TICRR: variants seen among roughly 807,000 people sequenced by gnomAD.
TICRR encodes the protein treslin.
TICRR carries 132 observed loss-of-function variants against 178.1 expected under a neutral mutation model. The observed-to-expected ratio is 0.74, with a 90% CI of 0.64 to 0.86. The LOEUF (loss-of-function observed/expected upper bound fraction) is 0.86. Ranked by LOEUF, TICRR falls within the 40% of genes least tolerant of loss-of-function variation. TICRR has a pLI of 0.00. For missense variants in TICRR, 2,587 were observed against 2,334.3 expected (o/e 1.11, Z -2.23); for synonymous variants, 991 against 900.7 (o/e 1.10, Z -1.79).
chr15:89,576,815 GTGTGTGTATATATATATATATATA>G (rs1567037946), intron 1 of TICRR, among the ~76,000 whole-genome samples: 100 of 106,868 alleles, frequency 9.4e-4, no homozygotes, highest in Non-Finnish European at 5.3e-4. Context: ...GTGTGTATGT[GTGTGTGTATATATATATATATATA>G]TATATATATA....
Position 89,584,300 on chromosome 15 carries a change from C to A in TICRR, c.949C>A (p.Gln317Lys). ...TTTATTTCTAGCAGGCAAAGAGATTCAAGAAACATGGACAGTCACCCTAGA... is the reference window on the plus strand; with the variant it reads ...TTTATTTCTAGCAGGCAAAGAGATTAAAGAAACATGGACAGTCACCCTAGA... ...FLPVEAGKEI[Q>K]ETWTVTLEPL... is the part of the protein sequence containing the mutation. The change falls in exon 3 of 22, where the codon CAA (glutamine) becomes AAA (lysine). Residue 317 changes from glutamine (Q) to lysine (K), a missense_variant. Gln to Lys is a moderately conservative substitution (Grantham distance 53). Transcript: ENST00000268138. 1 of 1,604,782 alleles carries A rather than the reference C, an allele frequency of 6.2e-7. No individual in the cohort carries two copies. The highest frequency in any genetic ancestry group is 8.5e-7 in the Non-Finnish European group (1 of 1,175,774).
intron 4 of TICRR, among the ~76,000 whole-genome samples, chr15:89,586,252 A>G (rs2141955114): frequency 6.6e-6 from 1 of 152,334 alleles, no homozygotes; most frequent in East Asian, 1.9e-4. Flanking sequence ...CTAGCATTGC[A>G]ACTAAATGCA....
chr15:89,591,109 CT>C (rs1189424237), intron 4 of TICRR, among the ~76,000 whole-genome samples: 1 of 152,154 alleles, frequency 6.6e-6, no homozygotes, highest in Non-Finnish European at 1.5e-5. Flanking sequence ...TATATTTATT[CT>C]TGTACAAAGC....
chr15:89,627,845 G>A lies in TICRR; in HGVS notation c.*759G>A, dbSNP rs1288137651. 2 of 152,538 alleles carry A rather than the reference G, an allele frequency of 1.3e-5. No individual in the cohort carries two copies. The highest frequency in any genetic ancestry group is 2.9e-5 in the Non-Finnish European group (2 of 68,326). The allele number at this position is 152,538 out of a possible 1,614,324, so 9.4% of individuals were successfully genotyped here. A position where few individuals can be genotyped will look rare whatever the true frequency, so the allele number is the denominator to read the frequency against. ...AGCCTGCTGCGGGTCCTGGCCAGGG[G>A]TCTGGCTAACGGTGAGGGCTGACTC... is the stretch of plus-strand genomic sequence containing the variant. On this transcript the variant is annotated 3_prime_UTR_variant, in exon 22 of 22. Transcript: ENST00000268138.
chr15:89,607,838 C>G (rs1217019871), intron 14 of TICRR, among the ~76,000 whole-genome samples: 2 of 152,132 alleles, frequency 1.3e-5, no homozygotes, highest in Admixed American at 6.5e-5. Context: ...GTCTTGCTGG[C>G]TTTGCCACGT....
intron 8 of TICRR, 118 bp downstream of exon 8, chr15:89,599,593 GTAAGA>G: frequency 1.0e-6 from 1 of 966,352 alleles, no homozygotes; most frequent in Non-Finnish European, 1.5e-6. Context: ...TTCAAAAATG[GTAAGA>G]TAAGTAAGGG....
intron 4 of TICRR, among the ~76,000 whole-genome samples, chr15:89,586,945 A>T (rs62023129): frequency 0.056 from 8,505 of 152,278 alleles, 252 homozygotes; most frequent in East Asian, 0.096. Context: ...CATCTGACTT[A>T]TGTTTTAACA....
intron 4 of TICRR, among the ~76,000 whole-genome samples, chr15:89,588,888 C>T (rs1241146418): frequency 1.3e-5 from 2 of 152,056 alleles, no homozygotes. Flanking sequence ...AGACTCAAAG[C>T]TGGATTTTTG....
In TICRR at chr15:89,601,896, A is replaced by C. The variant is rs1963105036; in HGVS notation, c.2487A>C (p.Ser829=). ...CACTTCTTTCTGTGCCTTTTTTGTC[A>C]AGTGCTCGTAGATCAGTGTCAGGCA... ...KSPLLSVPFL[S]SARRSVSGSP... Residue 829 remains serine, a synonymous_variant, in exon 12 of 22, where the codon TCA becomes TCC. Coordinates refer to ENST00000268138, the MANE Select transcript of TICRR (RefSeq NM_152259.4). 6.2e-7 allele frequency: 1 copy of C among 1,614,112 alleles called. No individual in the cohort carries two copies. Among genetic ancestry groups the C allele is most frequent in the Admixed American group, 1.7e-5 (1 of 60,006 alleles).
chr15:89,621,012 C>T (rs1416839130), intron 18 of TICRR, among the ~76,000 whole-genome samples: 3 of 135,744 alleles, frequency 2.2e-5, no homozygotes, highest in East Asian at 2.3e-4. Flanking sequence ...TGAGCCACTG[C>T]GCCCGGCCTT....
At chr15:89,589,258 T>C (rs893564775) in intron 4 of TICRR, among the ~76,000 whole-genome samples, 1 of 151,702 alleles carries the variant, frequency 6.6e-6, no homozygotes, top group African/African-American at 2.4e-5. Context: ...AAGGGGAGCA[T>C]GAGATTGATT....
chr15:89,575,503 A>AGTG lies in TICRR; in HGVS notation c.-80_-78dup. ...ACCAGGGTCCCAAAGGAAAGCAGTG[A>AGTG]GTGGTGCTGTTTCCCTGAAGGAAGG... is the stretch of plus-strand genomic sequence containing the variant. On this transcript the variant is annotated 5_prime_UTR_variant, in exon 1 of 22. Transcript: ENST00000268138. 1 of 1,292,478 alleles carries AGTG rather than the reference A, an allele frequency of 7.7e-7. No homozygotes were observed. Among genetic ancestry groups the AGTG allele is most frequent in the Non-Finnish European group, 1.0e-6 (1 of 980,250 alleles). The allele number at this position is 1,292,478 out of a possible 1,614,324, so 80.1% of individuals were successfully genotyped here.
chr15:89,604,910 A>G (rs1413864025), intron 13 of TICRR, among the ~76,000 whole-genome samples: 1 of 152,230 alleles, frequency 6.6e-6, no homozygotes, highest in Non-Finnish European at 1.5e-5. Context: ...AATAAATCTC[A>G]GTTCTCTGAA....
chr15:89,602,770 G>A, intron 12 of TICRR, 26 bp from the exon 13 acceptor site: 1 of 1,203,438 alleles, frequency 8.3e-7, no homozygotes, highest in Non-Finnish European at 1.1e-6. Context: ...TATCTAGTAT[G>A]TATTAACTAT....
chr15:89,579,024 C>G (rs1962675822), intron 1 of TICRR, among the ~76,000 whole-genome samples: 2 of 152,160 alleles, frequency 1.3e-5, no homozygotes, highest in Admixed American at 1.3e-4. Context: ...AGAACCTGCA[C>G]TTACATTGGA....
chr15:89,592,971 C>A (rs998608077), intron 5 of TICRR, among the ~76,000 whole-genome samples: 2 of 152,242 alleles, frequency 1.3e-5, no homozygotes, highest in Admixed American at 1.3e-4. Flanking sequence ...TATGTTAATA[C>A]CACATTATCT....
chr15:89,593,540 C>T (rs1962947859), intron 5 of TICRR, among the ~76,000 whole-genome samples: 1 of 152,088 alleles, frequency 6.6e-6, no homozygotes, highest in Non-Finnish European at 1.5e-5. Flanking sequence ...CCCGTCTCTA[C>T]TAAAAATACA....
Position 89,624,397 on chromosome 15 carries a change from G to T in TICRR, c.4087G>T (p.Glu1363Ter). ...LSCPVPSTPP[E>*]LSQRATLDTV... ...CTGCCCTGTTCCCTCAACTCCCCCT[G>T]AACTCTCACAGAGAGCTACATTGGA... Residue 1363 changes from glutamate (E) to a stop codon, truncating the protein, a stop_gained, in exon 20 of 22, where the codon GAA (glutamate) becomes TAA (stop). Coordinates refer to ENST00000268138, the MANE Select transcript of TICRR (RefSeq NM_152259.4). LOFTEE classifies it high-confidence loss of function. The T allele has an allele frequency of 6.2e-7, 1 of 1,614,138 alleles. No homozygotes were observed. The highest frequency in any genetic ancestry group is 8.5e-7 in the Non-Finnish European group (1 of 1,180,022).
chr15:89,579,012 A>G (rs1000858804), intron 1 of TICRR, among the ~76,000 whole-genome samples: 1 of 152,166 alleles, frequency 6.6e-6, no homozygotes, highest in African/African-American at 2.4e-5. Flanking sequence ...ACTGGGAGAA[A>G]CAGAACCTGC....
Sources: allele counts gnomAD v4.1 joint callset (sites outside exome capture counted in the v4.1 genomes callset), GRCh38; gene constraint gnomAD v4.1.1; transcripts MANE v1.5; gene names NCBI Gene and HGNC (gene_info 2026-07-23, HGNC 2026-07-21).